Variants in ATP6V1C1 observed in about 807,000 individuals in gnomAD.
The protein encoded by ATP6V1C1 is ATPase H+ transporting V1 subunit C1.
Under a neutral mutation model 53.9 loss-of-function variants are expected in ATP6V1C1, and 45 were observed. The ratio of observed to expected loss-of-function variants is 0.83; its 90% confidence interval spans 0.66 to 1.07. The LOEUF (loss-of-function observed/expected upper bound fraction) is 1.07. ATP6V1C1 is among the 50% of genes least tolerant of loss of function. The pLI is 0.00. For missense variants in ATP6V1C1, 315 were observed against 440.3 expected, an observed-to-expected ratio of 0.72 and a Z score of 2.55; for synonymous variants, 153 against 155.2, an observed-to-expected ratio of 0.99 and a Z score of 0.11.
intron 3 of ATP6V1C1, among the ~76,000 whole-genome samples, chr8:103,046,426 G>A (rs1036359520): frequency 2.0e-5 from 3 of 151,904 alleles, no homozygotes; most frequent in African/African-American, 7.3e-5. Context: ...TGCCCAGGCT[G>A]GTCTCAAACT....
At chr8:103,048,424 T>C (rs963558851) in intron 3 of ATP6V1C1, among the ~76,000 whole-genome samples, 17 of 152,356 alleles carry the variant, frequency 1.1e-4, no homozygotes, top group African/African-American at 2.9e-4. Flanking sequence ...TGACTATTGC[T>C]TACGTTCTCT....
chr8:103,058,487 C>G (rs1053867616), intron 8 of ATP6V1C1, among the ~76,000 whole-genome samples: 3 of 152,182 alleles, frequency 2.0e-5, no homozygotes, highest in East Asian at 3.8e-4. Context: ...TAGGAAAGAT[C>G]TCTATGACCT....
At chr8:103,057,849 G>A (rs926413710) in intron 8 of ATP6V1C1, among the ~76,000 whole-genome samples, 1 of 151,662 alleles carries the variant, frequency 6.6e-6, no homozygotes, top group Admixed American at 6.6e-5. Flanking sequence ...TTCATTTGGA[G>A]GAATATCTTT....
chr8:103,031,178 T>A (rs1353185638), intron 1 of ATP6V1C1, among the ~76,000 whole-genome samples: 1 of 152,154 alleles, frequency 6.6e-6, no homozygotes, highest in Admixed American at 6.6e-5. Context: ...GAAGATATTT[T>A]AAAAATGGAA....
At chr8:103,037,267 A>G (rs2131386694) in intron 1 of ATP6V1C1, among the ~76,000 whole-genome samples, 1 of 152,302 alleles carries the variant, frequency 6.6e-6, no homozygotes, top group South Asian at 2.1e-4. Flanking sequence ...CTGAACTCCC[A>G]CACTTGCAAC....
intron 2 of ATP6V1C1, 54 bp downstream of exon 2, chr8:103,041,022 AGTTC>A: frequency 6.5e-7 from 1 of 1,548,680 alleles, no homozygotes; most frequent in South Asian, 1.2e-5. Context: ...GGGGAGGGCC[AGTTC>A]TCTCTTTTAG....
chr8:103,067,327 G>A (rs546108794), intron 12 of ATP6V1C1, among the ~76,000 whole-genome samples: 3 of 150,780 alleles, frequency 2.0e-5, no homozygotes, highest in Non-Finnish European at 4.4e-5. Context: ...TGAACCTCGG[G>A]GGGTGGTTGC....
rs1347892533 is a variant in ATP6V1C1 at position 103,072,133 on chromosome 8, G to T, written c.*3386G>T. On this transcript the variant is annotated 3_prime_UTR_variant, in exon 13 of 13. Coordinates refer to ENST00000518738, the MANE Select transcript of ATP6V1C1 (RefSeq NM_001695.5). ...ACTTTGAAATCTTCGTGGAACAAAA[G>T]ATATTTGTGGAACCAATCTTTGTGG... is the stretch of plus-strand genomic sequence containing the variant. 1 of 152,200 alleles carries T rather than the reference G, an allele frequency of 6.6e-6. No homozygotes were observed. Among genetic ancestry groups the T allele is most frequent in the Non-Finnish European group, 1.5e-5 (1 of 68,034 alleles). The allele number at this position is 152,200 out of a possible 1,614,324, so 9.4% of individuals were successfully genotyped here.
At chr8:103,062,088 G>T (rs974679680) in intron 8 of ATP6V1C1, among the ~76,000 whole-genome samples, 2 of 148,006 alleles carry the variant, frequency 1.4e-5, no homozygotes, top group African/African-American at 5.0e-5. Context: ...ACCTTCTAAA[G>T]CCTAAAATGG....
intron 1 of ATP6V1C1, among the ~76,000 whole-genome samples, chr8:103,033,093 A>G (rs573831192): frequency 1.3e-5 from 2 of 152,362 alleles, no homozygotes; most frequent in East Asian, 3.9e-4. Flanking sequence ...TATCTAATGC[A>G]TGCTTCCATT....
chr8:103,038,424 A>G (rs1398203262), intron 1 of ATP6V1C1, among the ~76,000 whole-genome samples: 1 of 152,168 alleles, frequency 6.6e-6, no homozygotes, highest in African/African-American at 2.4e-5. Flanking sequence ...AGGAGTGGCA[A>G]AGTCACACTG....
chr8:103,030,397 C>T (rs2453993), intron 1 of ATP6V1C1, among the ~76,000 whole-genome samples: 6,030 of 152,164 alleles, frequency 0.04, 126 homozygotes, highest in African/African-American at 0.047. Flanking sequence ...ACCGAACACT[C>T]GTGAATAATA....
At chr8:103,023,907 G>C (rs2048549) in intron 1 of ATP6V1C1, among the ~76,000 whole-genome samples, 2 of 140,408 alleles carry the variant, frequency 1.4e-5, no homozygotes, top group Admixed American at 7.1e-5. Context: ...TTTTTTTTTG[G>C]GGGGGGGGAA....
intron 1 of ATP6V1C1, among the ~76,000 whole-genome samples, chr8:103,025,459 A>T (rs979313853): frequency 6.6e-6 from 1 of 152,252 alleles, no homozygotes; most frequent in Admixed American, 6.5e-5. Context: ...GAGGTTACAG[A>T]GGTTAAAAGT....
chr8:103,059,259 A>T (rs1434746292), intron 8 of ATP6V1C1, among the ~76,000 whole-genome samples: 1 of 152,094 alleles, frequency 6.6e-6, no homozygotes, highest in East Asian at 1.9e-4. Context: ...CACTTCAACC[A>T]CACCCATGGC....
rs539727358 is a variant in ATP6V1C1 at position 103,031,429 on chromosome 8, C to T, written c.-39-9369C>T. Among the ~76,000 whole-genome samples the T allele has an allele frequency of 2.0e-5, 3 of 152,226 alleles. No homozygotes were observed. The East Asian group carries it at 5.8e-4, about 29-fold the overall frequency. On this transcript the variant is annotated intron_variant, in intron 1 of 12. Transcript: ENST00000518738. ...CGGATCTCAGCTTCTCATGAGGCTT[C>T]AGGAAGCTCTTGAGTCATGGCAGAG...
chr8:103,036,742 CTAAG>C (rs533913440), intron 1 of ATP6V1C1, among the ~76,000 whole-genome samples: 48 of 152,252 alleles, frequency 3.2e-4, no homozygotes, highest in Non-Finnish European at 6.3e-4. Flanking sequence ...TTCTGGAACT[CTAAG>C]TAGTATGATA....
Position 103,055,866 on chromosome 8 carries a change from A to G in ATP6V1C1, c.573-2A>G. 3 of 1,610,890 alleles carry G rather than the reference A, an allele frequency of 1.9e-6. No individual in the cohort carries two copies. Among genetic ancestry groups the G allele is most frequent in the East Asian group, 2.2e-5 (1 of 44,766 alleles). On this transcript the variant is annotated splice_acceptor_variant, in intron 7 of 12. Transcript: ENST00000518738. LOFTEE classifies it high-confidence loss of function. ...CCAATGTGTATTGTACCTTTTCTGC[A>G]GGTTAAACCACAACGACTGGATTAA...
chr8:103,063,708 T>C (rs937399708), intron 10 of ATP6V1C1, among the ~76,000 whole-genome samples: 1 of 152,180 alleles, frequency 6.6e-6, no homozygotes, highest in South Asian at 2.1e-4. Context: ...ATTGGTGTGT[T>C]CTAGGTGTAA....
Sources: allele counts gnomAD v4.1 joint callset (sites outside exome capture counted in the v4.1 genomes callset), GRCh38; gene constraint gnomAD v4.1.1; transcripts MANE v1.5; gene names NCBI Gene and HGNC (gene_info 2026-07-23, HGNC 2026-07-21).